The following MICAL3 variants were observed in gnomAD, a reference collection of about 807,000 sequenced individuals.
MICAL3 encodes microtubule associated monooxygenase, calponin and LIM domain containing 3.
Under a neutral mutation model 207.4 loss-of-function variants are expected in MICAL3, and 62 were observed. The observed-to-expected ratio is 0.30, with a 90% CI of 0.24 to 0.37. The LOEUF is 0.37. MICAL3 is among the 10% of genes least tolerant of loss of function. The pLI, the probability that MICAL3 is intolerant of heterozygous loss-of-function variation, is 1.00. For missense variants in MICAL3, 2,368 were observed against 2,635.6 expected, an observed-to-expected ratio of 0.90 and a Z score of 2.22; for synonymous variants, 1,077 against 1,069.3, an observed-to-expected ratio of 1.01 and a Z score of -0.14.
chr22:17,837,421 C>T (rs1037415018), intron 20 of MICAL3, among the ~76,000 whole-genome samples: 2 of 152,262 alleles, frequency 1.3e-5, no homozygotes, highest in African/African-American at 4.8e-5. Context: ...TGCTAGCCCT[C>T]CTGACTTCTC....
At chr22:18,007,636 C>T (rs1923470687) in intron 1 of MICAL3, among the ~76,000 whole-genome samples, 1 of 152,076 alleles carries the variant, frequency 6.6e-6, no homozygotes, top group African/African-American at 2.4e-5. Flanking sequence ...GATCAGCTAT[C>T]TACCACTGGC....
At chr22:17,862,088 G>A (rs1941195861) in intron 19 of MICAL3, 1 of 985,298 alleles carries the variant, frequency 1.0e-6, no homozygotes, top group African/African-American at 1.7e-5. Flanking sequence ...CCTGCCTCCT[G>A]GGACGTGGGT....
intron 27 of MICAL3, among the ~76,000 whole-genome samples, chr22:17,811,717 T>C (rs920843876): frequency 2.0e-5 from 3 of 152,230 alleles, no homozygotes; most frequent in Non-Finnish European, 4.4e-5. Flanking sequence ...ACCCTCTTTA[T>C]TGCCTCTAAG....
intron 1 of MICAL3, among the ~76,000 whole-genome samples, chr22:17,919,454 C>G (rs1308104310): frequency 1.3e-5 from 2 of 152,196 alleles, no homozygotes; most frequent in South Asian, 2.1e-4. Flanking sequence ...GTCCTTGCAC[C>G]TGGAACAGTC....
chr22:17,947,528 A>G (rs1229975225), intron 1 of MICAL3, among the ~76,000 whole-genome samples: 10 of 152,160 alleles, frequency 6.6e-5, no homozygotes, highest in Non-Finnish European at 1.0e-4. Flanking sequence ...TGTAAAATCA[A>G]AGTATGAAAG....
At position 17,817,740 on chromosome 22, in the gene MICAL3, G is replaced by T; in HGVS notation, c.4921C>A (p.Gln1641Lys). 1 of 1,591,078 alleles carries T rather than the reference G, an allele frequency of 6.3e-7. No homozygotes were observed. Among genetic ancestry groups the T allele is most frequent in the Non-Finnish European group, 8.6e-7 (1 of 1,169,544 alleles). ...RPRKASSAPS[Q>K]GKERRPDSPT... ...GAGTCAGGCCGGCGCTCCTTGCCCT[G>T]GGAGGGTGCTGAGGACGCCTTGCGG... Residue 1641 changes from glutamine (Q) to lysine (K), a missense_variant, in exon 26 of 32, where the codon CAG becomes AAG. Around this residue, in one of 4 missense-constraint regions of MICAL3, gnomAD observed 1,770 missense variants for 1,863.2 expected, o/e 0.95. Coordinates refer to ENST00000441493, the MANE Select transcript of MICAL3 (RefSeq NM_015241.3).
intron 16 of MICAL3, among the ~76,000 whole-genome samples, chr22:17,882,772 C>T (rs1929554387): frequency 1.3e-5 from 2 of 152,242 alleles, no homozygotes; most frequent in South Asian, 4.1e-4. Flanking sequence ...ATTTATACAT[C>T]TGCCCAGCTA....
At chr22:17,978,879 GA>G (rs112663401) in intron 1 of MICAL3, among the ~76,000 whole-genome samples, 40,171 of 142,532 alleles carry the variant, frequency 0.28, 5,797 homozygotes, top group African/African-American at 0.38. Context: ...CTGTTTAAAA[GA>G]AAAAAAAAAA....
intron 1 of MICAL3, among the ~76,000 whole-genome samples, chr22:17,936,892 G>A (rs1933557166): frequency 1.3e-5 from 2 of 152,196 alleles, no homozygotes; most frequent in African/African-American, 4.8e-5. Context: ...AACAGCACGT[G>A]CTTGGTCTTG....
At chr22:17,904,606 C>T in intron 3 of MICAL3, 26 bp downstream of exon 3, 1 of 1,578,510 alleles carries the variant, frequency 6.3e-7, no homozygotes, top group Non-Finnish European at 8.7e-7. Flanking sequence ...AGGGTGGAAT[C>T]TTACAGGAAA....
rs1018955821 is a variant in MICAL3 at position 17,796,846 on chromosome 22, C to T, written c.5651-5545G>A. Among the ~76,000 whole-genome samples the T allele has an allele frequency of 2.0e-5, 3 of 152,214 alleles. No individual in the cohort carries two copies. The highest frequency in any genetic ancestry group is 1.9e-4 in the East Asian group (1 of 5,182). On this transcript the variant is annotated intron_variant, in intron 29 of 31. Transcript: ENST00000441493. The surrounding 1 kb of genome is among the most constrained non-coding windows in gnomAD (Gnocchi z 4.4). ...ACTACCACCTGGCCCTTGGCGCACC[C>T]GAGCACCTCACTCCAGGCCCTGCCT...
intron 21 of MICAL3, among the ~76,000 whole-genome samples, chr22:17,828,889 C>T (rs1036427464): frequency 6.6e-6 from 1 of 152,232 alleles, no homozygotes; most frequent in Non-Finnish European, 1.5e-5. Context: ...TCTAACCAGA[C>T]AATCTGGCCT....
intron 22 of MICAL3, among the ~76,000 whole-genome samples, chr22:17,824,972 T>A: frequency 6.6e-6 from 1 of 152,240 alleles, no homozygotes; most frequent in Non-Finnish European, 1.5e-5. Flanking sequence ...AGAGGGCCAC[T>A]GTGCCTGACA....
intron 16 of MICAL3, among the ~76,000 whole-genome samples, chr22:17,877,718 C>CT (rs1929002742): frequency 6.6e-6 from 1 of 152,038 alleles, no homozygotes; most frequent in South Asian, 2.1e-4. Context: ...AAGAGAGAAA[C>CT]ATCTCTGCAA....
intron 27 of MICAL3, chr22:17,814,862 T>C (rs2062086668): frequency 6.8e-6 from 1 of 146,692 alleles, no homozygotes; most frequent in Non-Finnish European, 1.5e-5. Flanking sequence ...ATCCCCTAGC[T>C]CGACTGTCCC....
At chr22:17,811,498 AAG>A (rs2062047521) in intron 27 of MICAL3, 2 of 152,464 alleles carry the variant, frequency 1.3e-5, no homozygotes, top group Admixed American at 6.5e-5. Flanking sequence ...CGCTAGGAAG[AAG>A]AGAGGTTGTG....
At chr22:17,876,769 A>AGGTT (rs1569108962) in intron 16 of MICAL3, 5 of 140,288 alleles carry the variant, frequency 3.6e-5, no homozygotes, top group East Asian at 4.2e-4. Context: ...GAGGTTAGGG[A>AGGTT]AGTTATGGAG....
At chr22:17,799,688 C>A (rs1331559565) in intron 29 of MICAL3, among the ~76,000 whole-genome samples, 1 of 152,162 alleles carries the variant, frequency 6.6e-6, no homozygotes, top group Non-Finnish European at 1.5e-5. Flanking sequence ...ATGGCCCTGA[C>A]AGGGGTCCCA....
intron 1 of MICAL3, among the ~76,000 whole-genome samples, chr22:17,965,702 G>A (rs909755115): frequency 3.3e-5 from 5 of 152,184 alleles, no homozygotes; most frequent in African/African-American, 9.7e-5. Flanking sequence ...CTGGAACCGT[G>A]AACACTAAGT....
Sources: gnomAD v4.1 joint callset for allele counts (sites outside exome capture counted in the v4.1 genomes callset) on GRCh38, gnomAD v4.1.1 for gene constraint, gnomAD v4.1.1 regional missense constraint, Gnocchi (gnomAD v3.1) non-coding constraint, MANE v1.5 for transcripts, NCBI Gene and HGNC (gene_info 2026-07-23, HGNC 2026-07-21) for gene names.